LINGO2: variants seen among roughly 807,000 people sequenced by gnomAD.
LINGO2 encodes the protein leucine-rich repeat and immunoglobulin-like domain-containing nogo receptor-interacting protein 2.
Under a neutral mutation model 30.6 loss-of-function variants are expected in LINGO2, and 14 were observed. That is an observed-to-expected ratio of 0.46 (90% CI 0.30 to 0.72). The LOEUF is 0.72. LINGO2 is among the 30% of genes least tolerant of loss of function. LINGO2 has a pLI of 0.07. For missense variants in LINGO2, 729 were observed against 751.7 expected (o/e 0.97, Z 0.35); for synonymous variants, 317 against 288.5 (o/e 1.10, Z -1.00).
intron 1 of LINGO2, among the ~76,000 whole-genome samples, chr9:28,584,725 T>C (rs912945505): frequency 3.9e-5 from 6 of 152,042 alleles, no homozygotes; most frequent in Admixed American, 6.6e-5. Flanking sequence ...AATCACTAGC[T>C]TGAGAACATG....
chr9:28,572,879 C>A (rs1218956897), intron 1 of LINGO2, among the ~76,000 whole-genome samples: 1 of 152,098 alleles, frequency 6.6e-6, no homozygotes, highest in Non-Finnish European at 1.5e-5. Context: ...CTTTGGAGTT[C>A]ATAATTTGAG....
chr9:28,951,920 T>A, the LINGO2 span, among the ~76,000 whole-genome samples: 1 of 152,126 alleles, frequency 6.6e-6, no homozygotes, highest in African/African-American at 2.4e-5. Flanking sequence ...AGAAGATATT[T>A]ACATGGCCAA....
intron 4 of LINGO2, among the ~76,000 whole-genome samples, chr9:28,105,902 G>A (rs1826576466): frequency 6.6e-6 from 1 of 152,066 alleles, no homozygotes; most frequent in Non-Finnish European, 1.5e-5. Context: ...AATTTCTCTT[G>A]TTTAAATCAG....
At chr9:28,337,932 C>T (rs982331205) in intron 3 of LINGO2, among the ~76,000 whole-genome samples, 3 of 152,116 alleles carry the variant, frequency 2.0e-5, no homozygotes, top group South Asian at 2.1e-4. Flanking sequence ...GTAAAACTTC[C>T]CACACAGAGT....
At chr9:28,075,904 A>T (rs1005284476) in intron 4 of LINGO2, among the ~76,000 whole-genome samples, 22 of 151,896 alleles carry the variant, frequency 1.4e-4, no homozygotes, top group Middle Eastern at 3.4e-3. Context: ...AGGTAGAAAA[A>T]TTTGTCCATT....
the LINGO2 span, among the ~76,000 whole-genome samples, chr9:29,163,265 A>T: frequency 6.6e-6 from 1 of 152,122 alleles, no homozygotes; most frequent in Non-Finnish European, 1.5e-5. Context: ...CTGATGTATT[A>T]TTTTTCAACT....
chr9:27,975,270 T>A (rs1820540828), intron 5 of LINGO2, among the ~76,000 whole-genome samples: 1 of 152,098 alleles, frequency 6.6e-6, no homozygotes, highest in Non-Finnish European at 1.5e-5. Context: ...CCAGTCTTAG[T>A]AATGCACTAT....
chr9:28,801,118 T>A, the LINGO2 span, among the ~76,000 whole-genome samples: 6,285 of 152,146 alleles, frequency 0.041, 190 homozygotes, highest in Admixed American at 0.081. Flanking sequence ...TTTTGAAGCA[T>A]TAACCCTCAA....
At chr9:27,944,124 CATAAG>C (rs1162731105), downstream of LINGO2, 1 of 152,160 alleles carries the variant, frequency 6.6e-6, no homozygotes, top group Non-Finnish European at 1.5e-5. Flanking sequence ...AAAAATCTCA[CATAAG>C]ATAAGGAAGT....
intron 5 of LINGO2, among the ~76,000 whole-genome samples, chr9:27,977,680 A>G (rs567693429): frequency 3.9e-5 from 6 of 151,998 alleles, no homozygotes; most frequent in African/African-American, 1.4e-4. Context: ...TTAGTGAAAT[A>G]TTTAAAGTGA....
chr9:28,966,298 T>G, the LINGO2 span, among the ~76,000 whole-genome samples: 1 of 150,986 alleles, frequency 6.6e-6, no homozygotes, highest in East Asian at 1.9e-4. Context: ...TTTGAAGAAC[T>G]ATGAACAAAC....
At chr9:29,029,567 T>G in the LINGO2 span, among the ~76,000 whole-genome samples, 1 of 152,142 alleles carries the variant, frequency 6.6e-6, no homozygotes, top group Non-Finnish European at 1.5e-5. Context: ...GAATACTTCT[T>G]GTTTGATAGA....
At chr9:29,030,054 C>A in the LINGO2 span, among the ~76,000 whole-genome samples, 2 of 151,930 alleles carry the variant, frequency 1.3e-5, no homozygotes, top group Middle Eastern at 3.4e-3. Context: ...AATGTGTTAT[C>A]TTTCAGGAAA....
At chr9:28,166,833 A>G (rs1467852784) in intron 4 of LINGO2, among the ~76,000 whole-genome samples, 1 of 152,130 alleles carries the variant, frequency 6.6e-6, no homozygotes, top group African/African-American at 2.4e-5. Context: ...GGATTCTATC[A>G]ATTCCTCTTG....
At chr9:27,953,412 C>A (rs1383366304) in intron 5 of LINGO2, among the ~76,000 whole-genome samples, 2 of 152,118 alleles carry the variant, frequency 1.3e-5, no homozygotes, top group East Asian at 3.9e-4. Context: ...AGCAGCCATA[C>A]AGTAAAATAC....
intron 2 of LINGO2, among the ~76,000 whole-genome samples, chr9:28,429,799 C>A (rs1823573170): frequency 1.3e-5 from 2 of 152,068 alleles, no homozygotes; most frequent in African/African-American, 4.8e-5. Flanking sequence ...GGTGTTCCAA[C>A]AGACTTTGAA....
chr9:28,322,798 G>T (rs1203460913), intron 3 of LINGO2, among the ~76,000 whole-genome samples: 1 of 152,084 alleles, frequency 6.6e-6, no homozygotes, highest in Non-Finnish European at 1.5e-5. Flanking sequence ...TTGCTAATTT[G>T]ATATATTCAA....
At chr9:28,802,080 T>C in the LINGO2 span, among the ~76,000 whole-genome samples, 2 of 152,002 alleles carry the variant, frequency 1.3e-5, no homozygotes, top group Non-Finnish European at 2.9e-5. Context: ...ATTTTATGAA[T>C]GTTTATATGA....
the LINGO2 span, among the ~76,000 whole-genome samples, chr9:29,119,439 A>G: frequency 7.2e-5 from 11 of 152,096 alleles, no homozygotes; most frequent in Non-Finnish European, 1.6e-4. Flanking sequence ...TGGAAAAAAA[A>G]GTGGATTGAG....
Sources: gnomAD v4.1 joint callset for allele counts (sites outside exome capture counted in the v4.1 genomes callset) on GRCh38, gnomAD v4.1.1 for gene constraint, MANE v1.5 for transcripts, NCBI Gene and HGNC (gene_info 2026-07-23, HGNC 2026-07-21) for gene names.